Variants in SMARCA2 observed in about 807,000 individuals in gnomAD.
SMARCA2 encodes SWI/SNF related BAF chromatin remodeling complex subunit ATPase 2.
Under a neutral mutation model 199.8 loss-of-function variants are expected in SMARCA2, and 61 were observed. The ratio of observed to expected loss-of-function variants is 0.31; its 90% CI spans 0.25 to 0.38. The LOEUF is 0.38. SMARCA2 is among the 10% of genes least tolerant of loss of function. The pLI is 1.00. For synonymous variants in SMARCA2, 935 were observed against 732.0 expected (o/e 1.28, Z -4.48); for missense variants, 1,344 against 2,012.2 (o/e 0.67, Z 6.35).
chr9:2,130,093 A>T (rs1015406134), intron 27 of SMARCA2, among the ~76,000 whole-genome samples: 1 of 152,138 alleles, frequency 6.6e-6, no homozygotes. Context: ...AGCTCAAGTG[A>T]TCCACCTGCT....
intron 27 of SMARCA2, among the ~76,000 whole-genome samples, chr9:2,125,093 C>T (rs1193315713): frequency 6.6e-6 from 1 of 152,104 alleles, no homozygotes; most frequent in Non-Finnish European, 1.5e-5. Flanking sequence ...AGATTAGATA[C>T]CAAAGGCAAA....
chr9:2,077,888 A>G lies in SMARCA2; in HGVS notation c.2184+112A>G, dbSNP rs3765580. 198,322 of 893,202 alleles carry G rather than the reference A, an allele frequency of 0.22. 22,828 individuals carry two copies. Among genetic ancestry groups the G allele is most frequent in the Admixed American group, 0.32 (12,893 of 40,764 alleles). The allele number at this position is 893,202 out of a possible 1,614,324, so 55.3% of individuals were successfully genotyped here. A position where few individuals can be genotyped will look rare whatever the true frequency, so the allele number is the denominator to read the frequency against. ...GGCTTTTGATGATATTTTAGGCCAC[A>G]TCACTTATAATACTGAGGTTCCTTT... is the stretch of plus-strand genomic sequence containing the variant. On this transcript the variant is annotated intron_variant, in intron 14 of 33. Coordinates refer to ENST00000349721, the MANE Select transcript of SMARCA2 (RefSeq NM_003070.5).
intron 24 of SMARCA2, among the ~76,000 whole-genome samples, chr9:2,111,046 G>GT (rs763044837): frequency 0.014 from 2,063 of 142,332 alleles, 24 homozygotes; most frequent in African/African-American, 0.046. Flanking sequence ...TTGATGTTTT[G>GT]TTTTTTTTTT....
rs927279449 is a variant in SMARCA2 at position 2,097,590 on chromosome 9, G to C, written c.3078+119G>C. The stretch of plus-strand genomic sequence containing the variant: ...ATAGATTTAAAACATGTTGGCGGAA[G>C]TTGAGATGACATGATCTGATAGCTC... On this transcript the variant is annotated intron_variant, in intron 21 of 33. Coordinates refer to ENST00000349721, the MANE Select transcript of SMARCA2 (RefSeq NM_003070.5). The C allele has an allele frequency of 4.8e-6, 3 of 624,622 alleles. 1 individual carries two copies. The allele number at this position is 624,622 out of a possible 1,614,324, so 38.7% of individuals were successfully genotyped here.
intron 27 of SMARCA2, among the ~76,000 whole-genome samples, chr9:2,140,823 C>T (rs779364487): frequency 9.9e-5 from 15 of 152,180 alleles, no homozygotes; most frequent in Non-Finnish European, 1.5e-4. Flanking sequence ...TGATGCACAC[C>T]GAGCCCCTGC....
At chr9:2,051,519 A>C (rs1357095670) in intron 5 of SMARCA2, among the ~76,000 whole-genome samples, 1 of 152,204 alleles carries the variant, frequency 6.6e-6, no homozygotes, top group African/African-American at 2.4e-5. Flanking sequence ...AATGTGATGT[A>C]ATCTCTACCC....
intron 29 of SMARCA2, among the ~76,000 whole-genome samples, chr9:2,171,564 A>G (rs753044153): frequency 1.2e-4 from 18 of 152,250 alleles, no homozygotes; most frequent in Non-Finnish European, 2.5e-4. Flanking sequence ...TAATCCTGGA[A>G]ACCAGGCACA....
At position 2,119,506 on chromosome 9, in the gene SMARCA2, C is replaced by T. The variant is rs759746608; in HGVS notation, c.3733C>T (p.Arg1245Ter). Residue 1245 changes from arginine (R) to a stop codon, truncating the protein, a stop_gained, in exon 26 of 34, where the codon CGA (arginine) becomes TGA (stop). Transcript: ENST00000349721. LOFTEE classifies it high-confidence loss of function. This position sits in a 1 kb window ranked among gnomAD's most constrained non-coding sequence, Gnocchi z 4.6. ...TGAGACTCTGAACCAAATGATTGCT[C>T]GACGAGAAGAAGAATTTGACCTTTT... is the stretch of plus-strand genomic sequence containing the variant. ...DDETLNQMIA[R>*]REEEFDLFMR... The T allele has an allele frequency of 6.2e-7, 1 of 1,612,618 alleles. No individual in the cohort carries two copies. Among genetic ancestry groups the T allele is most frequent in the African/African-American group, 1.3e-5 (1 of 74,872 alleles).
intron 28 of SMARCA2, among the ~76,000 whole-genome samples, chr9:2,168,364 A>G (rs909940448): frequency 1.3e-5 from 2 of 152,324 alleles, no homozygotes; most frequent in Non-Finnish European, 2.9e-5. Context: ...TTGGTAAACT[A>G]CAAACCTGTG....
At chr9:2,134,636 A>G (rs1278721994) in intron 27 of SMARCA2, among the ~76,000 whole-genome samples, 1 of 152,198 alleles carries the variant, frequency 6.6e-6, no homozygotes, top group East Asian at 1.9e-4. Flanking sequence ...GTGATCTTGG[A>G]CAGGTCTCCT....
chr9:2,091,491 C>T (rs1822060688), intron 19 of SMARCA2, among the ~76,000 whole-genome samples: 1 of 152,176 alleles, frequency 6.6e-6, no homozygotes. Context: ...TACATGGATG[C>T]AGCGCAGTTT....
chr9:2,096,546 A>C (rs1233062248), intron 19 of SMARCA2, 111 bp from the exon 20 acceptor site: 5 of 703,722 alleles, frequency 7.1e-6, no homozygotes, highest in Admixed American at 4.3e-5. Context: ...TCCAAGAAAG[A>C]GAAAGAGAGA....
At chr9:2,092,473 A>T (rs1822101224) in intron 19 of SMARCA2, among the ~76,000 whole-genome samples, 1 of 152,244 alleles carries the variant, frequency 6.6e-6, no homozygotes. Flanking sequence ...TACAAATCTC[A>T]GTTCACAAAG....
chr9:2,110,859 G>A lies in SMARCA2; in HGVS notation c.3456+442G>A, dbSNP rs896783107. Among the ~76,000 whole-genome samples the A allele has an allele frequency of 1.3e-5, 2 of 152,188 alleles. No homozygotes were observed. Among genetic ancestry groups the A allele is most frequent in the African/African-American group, 4.8e-5 (2 of 41,450 alleles). ...TATGATTTGAATCTTTGCAGTCAAG[G>A]AAACTGAATCCTAGGCAGGGTAAGT... On this transcript the variant is annotated intron_variant, in intron 24 of 33. Transcript: ENST00000349721. The surrounding 1 kb of genome is among the most constrained non-coding windows in gnomAD (Gnocchi z 4.8).
intron 5 of SMARCA2, among the ~76,000 whole-genome samples, chr9:2,051,503 C>T (rs1389318829): frequency 6.6e-6 from 1 of 152,202 alleles, no homozygotes; most frequent in African/African-American, 2.4e-5. Context: ...TCCCACCTCC[C>T]AGTTCAATGT....
chr9:2,149,962 C>G (rs984083001), intron 27 of SMARCA2, among the ~76,000 whole-genome samples: 7 of 151,450 alleles, frequency 4.6e-5, no homozygotes, highest in African/African-American at 1.7e-4. Context: ...AAGTTGGCTT[C>G]TCAAATTTAA....
intron 9 of SMARCA2, 38 bp downstream of exon 9, chr9:2,061,024 A>G (rs1274133289): frequency 6.3e-7 from 1 of 1,591,082 alleles, no homozygotes; most frequent in South Asian, 1.1e-5. Context: ...TCCAGGGTGT[A>G]TGGGCAGGGA....
chr9:2,027,573 G>A (rs566656926), intron 1 of SMARCA2: 1 of 152,282 alleles, frequency 6.6e-6, no homozygotes, highest in South Asian at 2.1e-4. Context: ...TGAGGTGCTG[G>A]GAACGTGGAA....
rs1435681261 is a variant in SMARCA2, at chr9:2,193,118, G to A, written c.*379G>A. 1.1e-5 allele frequency: 2 copies of A among 177,228 alleles called. No homozygotes were observed. Among genetic ancestry groups the A allele is most frequent in the African/African-American group, 4.7e-5 (2 of 42,414 alleles). The allele number at this position is 177,228 out of a possible 1,614,324, so 11.0% of individuals were successfully genotyped here. A position where few individuals can be genotyped will look rare whatever the true frequency, so the allele number is the denominator to read the frequency against. ...TTGTCTTTTGTAGCACTGATAACCAGGAGAAGCCATTAAAAGCCACTGGTT... is the reference window on the plus strand; with the variant it reads ...TTGTCTTTTGTAGCACTGATAACCAAGAGAAGCCATTAAAAGCCACTGGTT... On this transcript the variant is annotated 3_prime_UTR_variant, in exon 34 of 34. Coordinates refer to ENST00000349721, the MANE Select transcript of SMARCA2 (RefSeq NM_003070.5).
Sources: gnomAD v4.1 joint callset for allele counts (sites outside exome capture counted in the v4.1 genomes callset) on GRCh38, gnomAD v4.1.1 for gene constraint, Gnocchi (gnomAD v3.1) non-coding constraint, MANE v1.5 for transcripts, NCBI Gene and HGNC (gene_info 2026-07-23, HGNC 2026-07-21) for gene names.